Variants in NOS1AP observed in about 807,000 individuals in gnomAD.
The protein encoded by NOS1AP is nitric oxide synthase 1 adaptor protein, also known as carboxyl-terminal PDZ ligand of neuronal nitric oxide synthase protein.
Under a neutral mutation model 56.2 loss-of-function variants are expected in NOS1AP, and 21 were observed. That is an observed-to-expected ratio of 0.37 (90% confidence interval 0.26 to 0.54). NOS1AP has a LOEUF of 0.54. Ranked by LOEUF, NOS1AP falls within the 20% of genes least tolerant of loss-of-function variation. The pLI, the probability that NOS1AP is intolerant of heterozygous loss-of-function variation, is 0.84. For missense variants in NOS1AP, 522 were observed against 657.8 expected (o/e 0.79, Z 2.26); for synonymous variants, 270 against 274.6 (o/e 0.98, Z 0.17).
At chr1:162,245,074 AAG>A (rs1653616908) in intron 2 of NOS1AP, among the ~76,000 whole-genome samples, 2 of 152,150 alleles carry the variant, frequency 1.3e-5, no homozygotes, top group African/African-American at 4.8e-5. Flanking sequence ...AGGGCGAGGA[AAG>A]AGAGGAAACT....
At position 162,367,895 on chromosome 1, in the gene NOS1AP, G is replaced by A. The variant is rs1005259191; in HGVS notation, c.*428G>A. The A allele has an allele frequency of 2.9e-5, 5 of 174,892 alleles. No homozygotes were observed. The highest frequency in any genetic ancestry group is 6.1e-5 in the Non-Finnish European group (5 of 81,588). 10.8% of individuals were successfully genotyped at this position (174,892 alleles called of 1,614,324 possible). On this transcript the variant is annotated 3_prime_UTR_variant, in exon 10 of 10. Transcript: ENST00000361897. This position sits in a 1 kb window ranked among gnomAD's most constrained non-coding sequence, Gnocchi z 6.5. ...AGGGAAGCCATCGGTACCTTCTCAG[G>A]TACTTTGTTTCTGGATATCACGATG...
rs1002005904 is a variant in NOS1AP at position 162,336,581 on chromosome 1, A to G, written c.453+3456A>G. Among the ~76,000 whole-genome samples, 5 of 152,128 alleles carry G rather than the reference A, an allele frequency of 3.3e-5. No individual in the cohort carries two copies. In the East Asian group the frequency reaches 5.8e-4, roughly 18 times the overall value. On this transcript the variant is annotated intron_variant, in intron 5 of 9. Coordinates refer to ENST00000361897, the MANE Select transcript of NOS1AP (RefSeq NM_014697.3). ...TCTTTTTGTAGTTAATATTGACTCA[A>G]TTTTGTAGTTGAAGAAGAAAAGGCC...
At chr1:162,207,125 T>C (rs1207395836) in intron 2 of NOS1AP, among the ~76,000 whole-genome samples, 1 of 152,222 alleles carries the variant, frequency 6.6e-6, no homozygotes, top group South Asian at 2.1e-4. Flanking sequence ...AAAGAAGCTG[T>C]TTGCTGCTGC....
At chr1:162,352,297 G>A (rs1657535577) in intron 6 of NOS1AP, among the ~76,000 whole-genome samples, 1 of 152,028 alleles carries the variant, frequency 6.6e-6, no homozygotes, top group Non-Finnish European at 1.5e-5. Context: ...GAGCTCAGGT[G>A]ACCCACCCAC....
chr1:162,117,967 A>G (rs1245597100), intron 1 of NOS1AP, among the ~76,000 whole-genome samples: 1 of 152,182 alleles, frequency 6.6e-6, no homozygotes, highest in Non-Finnish European at 1.5e-5. Context: ...CTTACCACAC[A>G]TCAGTCAGTG....
rs998146874 is a variant in NOS1AP, at chr1:162,366,926, C to T, written c.1106-126C>T. On this transcript the variant is annotated intron_variant, in intron 9 of 9. Coordinates refer to ENST00000361897, the MANE Select transcript of NOS1AP (RefSeq NM_014697.3). ...GTGAAGTGTTAAGAGACCCAAAGCC[C>T]GGAGAGGTGCTGCTAAGCTGGTCTG... 2.8e-6 allele frequency: 3 copies of T among 1,059,352 alleles called. No homozygotes were observed. In the Admixed American group the frequency reaches 5.1e-5, roughly 18 times the overall value. 65.6% of individuals were successfully genotyped at this position (1,059,352 alleles called of 1,614,324 possible). A position where few individuals can be genotyped will look rare whatever the true frequency, so the allele number is the denominator to read the frequency against.
intron 2 of NOS1AP, among the ~76,000 whole-genome samples, chr1:162,176,467 C>G (rs1330885106): frequency 6.9e-6 from 1 of 145,650 alleles, no homozygotes. Context: ...GCAGTATGTA[C>G]TTAAGATTCA....
At chr1:162,201,271 G>T (rs1488749776) in intron 2 of NOS1AP, among the ~76,000 whole-genome samples, 1 of 152,092 alleles carries the variant, frequency 6.6e-6, no homozygotes, top group Non-Finnish European at 1.5e-5. Context: ...GTATTCCATG[G>T]TGTATATGTG....
intron 6 of NOS1AP, among the ~76,000 whole-genome samples, chr1:162,345,398 T>G (rs1028809389): frequency 2.7e-5 from 4 of 147,660 alleles, no homozygotes; most frequent in African/African-American, 1.0e-4. Flanking sequence ...TGAGTGAGAA[T>G]ATGCGGTGTT....
chr1:162,094,175 TGGG>T (rs1235652076), intron 1 of NOS1AP, among the ~76,000 whole-genome samples: 1 of 152,152 alleles, frequency 6.6e-6, no homozygotes, highest in African/African-American at 2.4e-5. Context: ...GTTACCCTCT[TGGG>T]AGGAGGAGGG....
chr1:162,202,654 G>A (rs1025187975), intron 2 of NOS1AP, among the ~76,000 whole-genome samples: 6 of 151,910 alleles, frequency 3.9e-5, no homozygotes, highest in South Asian at 2.1e-4. Flanking sequence ...TATTTCCTTG[G>A]GTTAGGTTCC....
chr1:162,189,090 A>G (rs1273843728), intron 2 of NOS1AP, among the ~76,000 whole-genome samples: 1 of 152,116 alleles, frequency 6.6e-6, no homozygotes, highest in Non-Finnish European at 1.5e-5. Flanking sequence ...TAAAAAGATT[A>G]TTTTAGTGTT....
intron 8 of NOS1AP, chr1:162,360,830 G>T (rs1303748589): frequency 2.2e-6 from 1 of 456,616 alleles, no homozygotes; most frequent in Non-Finnish European, 4.4e-6. Context: ...GGGGCAAATT[G>T]CTCTGGTTCT....
intron 2 of NOS1AP, among the ~76,000 whole-genome samples, chr1:162,203,657 T>G (rs898152664): frequency 2.0e-5 from 3 of 152,140 alleles, no homozygotes; most frequent in Non-Finnish European, 2.9e-5. Flanking sequence ...CCCTATTACT[T>G]AAAGGGGCTA....
intron 2 of NOS1AP, among the ~76,000 whole-genome samples, chr1:162,199,595 C>CAT (rs373250205): frequency 7.6e-6 from 1 of 131,590 alleles, no homozygotes; most frequent in African/African-American, 2.9e-5. Context: ...GCATGGATTG[C>CAT]GTGTGTGTGT....
intron 2 of NOS1AP, among the ~76,000 whole-genome samples, chr1:162,267,986 T>C (rs898462215): frequency 2.0e-4 from 31 of 152,106 alleles, no homozygotes; most frequent in African/African-American, 6.0e-4. Context: ...AAGGCCAGAT[T>C]CGGTGGCTCA....
chr1:162,159,757 C>T lies in NOS1AP; in HGVS notation c.177+5281C>T, dbSNP rs541828125. Among the ~76,000 whole-genome samples the T allele has an allele frequency of 5.9e-5, 9 of 152,330 alleles. No homozygotes were observed. In the East Asian group the frequency reaches 1.7e-3, roughly 29 times the overall value. ...AAAGTTAATCTTACTTAATAACCACCTGAGCATAAACCCATGAAATCTGGG... is the reference window on the plus strand; with the variant it reads ...AAAGTTAATCTTACTTAATAACCACTTGAGCATAAACCCATGAAATCTGGG... On this transcript the variant is annotated intron_variant, in intron 2 of 9. Coordinates refer to ENST00000361897, the MANE Select transcript of NOS1AP (RefSeq NM_014697.3).
At chr1:162,287,200 A>T in intron 2 of NOS1AP, 144 bp from the exon 3 acceptor site, 1 of 633,214 alleles carries the variant, frequency 1.6e-6, no homozygotes, top group Non-Finnish European at 2.8e-6. Context: ...CTGCTTTTAC[A>T]TCCCCCGAGG....
Position 162,302,850 on chromosome 1 carries a change from G to GATC in NOS1AP, c.344+2145_344+2147dup, listed in dbSNP as rs1207782183. The stretch of plus-strand genomic sequence containing the variant: ...AATCCCCACATCCCCAAGCGACCAC[G>GATC]ATCTCCTTTCTGTTATTGATGAGTT... On this transcript the variant is annotated intron_variant, in intron 4 of 9. Transcript: ENST00000361897. Among the ~76,000 whole-genome samples the GATC allele has an allele frequency of 2.0e-5, 3 of 152,164 alleles. No homozygotes were observed. In the East Asian group the frequency reaches 5.8e-4, roughly 29 times the overall value.
Sources: gnomAD v4.1 joint callset for allele counts (sites outside exome capture counted in the v4.1 genomes callset) on GRCh38, gnomAD v4.1.1 for gene constraint, Gnocchi (gnomAD v3.1) non-coding constraint, MANE v1.5 for transcripts, NCBI Gene and HGNC (gene_info 2026-07-23, HGNC 2026-07-21) for gene names.